Variants in MAGI1 observed in about 807,000 individuals in gnomAD.
MAGI1 encodes the protein membrane associated guanylate kinase, WW and PDZ domain containing 1, also known as membrane-associated guanylate kinase, WW and PDZ domain-containing protein 1.
MAGI1 carries 58 observed loss-of-function variants against 139.9 expected under a neutral mutation model. The observed-to-expected ratio is 0.41, with a 90% confidence interval of 0.34 to 0.52. The LOEUF (loss-of-function observed/expected upper bound fraction) is 0.52, where lower values mean the gene tolerates loss of function less well. Among genes scored for constraint, MAGI1 ranks in the 20% least tolerant of loss-of-function variants. The pLI is 0.12. For synonymous variants in MAGI1, 812 were observed against 737.9 expected (o/e 1.10, Z -1.63); for missense variants, 1,874 against 1,901.6 (o/e 0.99, Z 0.27).
At chr3:65,716,877 A>G (rs1241473996) in intron 1 of MAGI1, among the ~76,000 whole-genome samples, 3 of 152,232 alleles carry the variant, frequency 2.0e-5, no homozygotes, top group Non-Finnish European at 4.4e-5. Context: ...TCTTAGTTGC[A>G]GCAACTGGAA....
chr3:65,401,654 G>A, intron 12 of MAGI1, 184 bp from the exon 13 acceptor site: 2 of 1,546,646 alleles, frequency 1.3e-6, no homozygotes, highest in Non-Finnish European at 1.7e-6. Context: ...AGAGGGAGGA[G>A]GAGAGCGAGA....
intron 1 of MAGI1, among the ~76,000 whole-genome samples, chr3:65,870,429 G>A (rs1288624433): frequency 9.2e-5 from 14 of 151,942 alleles, no homozygotes; most frequent in Admixed American, 9.2e-4. Flanking sequence ...AGAGGGCAAG[G>A]GTGTGTCTTA....
At chr3:65,713,324 C>T (rs531705898) in intron 1 of MAGI1, among the ~76,000 whole-genome samples, 1 of 152,154 alleles carries the variant, frequency 6.6e-6, no homozygotes, top group Non-Finnish European at 1.5e-5. Flanking sequence ...ACCCTCCATG[C>T]TGTCACCCAC....
chr3:65,885,549 A>C (rs974720840), intron 1 of MAGI1, among the ~76,000 whole-genome samples: 5 of 152,106 alleles, frequency 3.3e-5, no homozygotes, highest in Non-Finnish European at 5.9e-5. Context: ...TAATCCTTAC[A>C]TGTCATGGAG....
intron 1 of MAGI1, among the ~76,000 whole-genome samples, chr3:65,983,370 T>C (rs1222413691): frequency 1.3e-5 from 2 of 152,214 alleles, no homozygotes; most frequent in Non-Finnish European, 2.9e-5. Context: ...ATGTGAATAA[T>C]GTGGAGTACA....
intron 2 of MAGI1, among the ~76,000 whole-genome samples, chr3:65,508,661 A>T (rs759868471): frequency 6.6e-6 from 1 of 152,156 alleles, no homozygotes; most frequent in Non-Finnish European, 1.5e-5. Context: ...TTCAAACTGG[A>T]CCCAATGTGA....
intron 1 of MAGI1, among the ~76,000 whole-genome samples, chr3:65,923,570 T>C (rs2108749326): frequency 6.6e-6 from 1 of 152,216 alleles, no homozygotes; most frequent in South Asian, 2.1e-4. Context: ...GCCCACTAGG[T>C]ACCTGGCACT....
At chr3:65,942,507 TAATATA>T (rs905281086) in intron 1 of MAGI1, among the ~76,000 whole-genome samples, 1 of 152,178 alleles carries the variant, frequency 6.6e-6, no homozygotes, top group African/African-American at 2.4e-5. Flanking sequence ...ATCCCGACTC[TAATATA>T]AAAGGGTTGG....
intron 2 of MAGI1, among the ~76,000 whole-genome samples, chr3:65,607,104 T>C (rs1390882204): frequency 1.3e-5 from 2 of 152,022 alleles, no homozygotes; most frequent in Non-Finnish European, 2.9e-5. Flanking sequence ...AAAATATATG[T>C]ACATGTTAAA....
intron 1 of MAGI1, among the ~76,000 whole-genome samples, chr3:65,887,878 T>A (rs1397774506): frequency 6.6e-6 from 1 of 152,178 alleles, no homozygotes; most frequent in African/African-American, 2.4e-5. Flanking sequence ...ATAGATACAG[T>A]ATCCTAAATG....
At chr3:65,663,938 T>G (rs1392353574) in intron 1 of MAGI1, among the ~76,000 whole-genome samples, 1 of 152,158 alleles carries the variant, frequency 6.6e-6, no homozygotes, top group African/African-American at 2.4e-5. Context: ...ATAGTTACAG[T>G]TAATAACAAC....
intron 1 of MAGI1, among the ~76,000 whole-genome samples, chr3:65,954,091 CACTCAACTACTCAAG>C (rs1252352357): frequency 6.6e-6 from 1 of 152,072 alleles, no homozygotes; most frequent in Admixed American, 6.5e-5. Context: ...CATACTCCGG[CACTCAACTACTCAAG>C]ACTCCAACAT....
chr3:65,600,366 A>T (rs934414682), intron 2 of MAGI1, among the ~76,000 whole-genome samples: 3 of 152,170 alleles, frequency 2.0e-5, no homozygotes, highest in African/African-American at 7.2e-5. Context: ...TATCCCTAAT[A>T]ATAACAAATT....
chr3:65,418,841 A>C (rs772644558), intron 12 of MAGI1, among the ~76,000 whole-genome samples: 13 of 151,854 alleles, frequency 8.6e-5, no homozygotes, highest in Non-Finnish European at 1.5e-4. Context: ...ATTAGTAGCC[A>C]CACTTCATGG....
chr3:65,701,519 C>A (rs1028032257), intron 1 of MAGI1, among the ~76,000 whole-genome samples: 5 of 152,138 alleles, frequency 3.3e-5, no homozygotes, highest in African/African-American at 1.2e-4. Context: ...TCCCAAAATG[C>A]TAGGATTACA....
intron 1 of MAGI1, among the ~76,000 whole-genome samples, chr3:65,644,200 T>A (rs6771305): frequency 0.53 from 80,070 of 151,820 alleles, 22,027 homozygotes; most frequent in African/African-American, 0.68. Context: ...TTTAAGTAAG[T>A]TTCAGTCTCA....
chr3:65,738,760 T>A (rs531422764), intron 1 of MAGI1, among the ~76,000 whole-genome samples: 3 of 152,294 alleles, frequency 2.0e-5, no homozygotes, highest in Admixed American at 1.3e-4. Context: ...AACAATACAT[T>A]GAAAGGAATC....
intron 1 of MAGI1, chr3:65,688,572 G>T: frequency 3.0e-6 from 1 of 328,428 alleles, no homozygotes. Flanking sequence ...ACATTTCCGT[G>T]GGGTAGGGAA....
At chr3:66,006,489 G>A (rs1304433060) in intron 1 of MAGI1, among the ~76,000 whole-genome samples, 1 of 152,158 alleles carries the variant, frequency 6.6e-6, no homozygotes, top group Non-Finnish European at 1.5e-5. Flanking sequence ...ATATATGTGT[G>A]TATGGGTATG....
Sources: allele counts gnomAD v4.1 joint callset (sites outside exome capture counted in the v4.1 genomes callset), GRCh38; gene constraint gnomAD v4.1.1; transcripts MANE v1.5; gene names NCBI Gene and HGNC (gene_info 2026-07-23, HGNC 2026-07-21).